The following NLRP13 variants were observed in gnomAD, a reference collection of about 807,000 sequenced individuals.
The protein encoded by NLRP13 is NACHT, LRR and PYD domains-containing protein 13.
In NLRP13, 82 loss-of-function variants were observed where a neutral mutation model predicts 94.4. That is an observed-to-expected ratio of 0.87 (90% CI 0.73 to 1.04). The LOEUF (loss-of-function observed/expected upper bound fraction) is 1.04, where lower values mean the gene tolerates loss of function less well. Among genes scored for constraint, NLRP13 ranks in the 50% least tolerant of loss-of-function variants. NLRP13 has a pLI of 0.00. For missense variants in NLRP13, 1,426 were observed against 1,230.8 expected, an observed-to-expected ratio of 1.16 and a Z score of -2.37; for synonymous variants, 553 against 464.7, an observed-to-expected ratio of 1.19 and a Z score of -2.45.
chr19:55,912,138 G>A lies in NLRP13; in HGVS notation c.1679C>T (p.Ser560Phe), dbSNP rs1383034902. 6.2e-7 allele frequency: 1 copy of A among 1,614,188 alleles called. No homozygotes were observed. Reference protein sequence around the residue: ...LEEPREFPPHSTKPQEMKMLL... With the variant: ...LEEPREFPPHFTKPQEMKMLL... ...CATCTTCATCTCTTGTGGCTTTGTGGAATGGGGAGGGAATTCTCTAGGTTC... is the reference window on the plus strand; with the variant it reads ...CATCTTCATCTCTTGTGGCTTTGTGAAATGGGGAGGGAATTCTCTAGGTTC... Residue 560 changes from serine to phenylalanine, a missense_variant, in exon 5 of 11, where the codon TCC becomes TTC. Transcript: ENST00000342929.
At chr19:55,927,384 A>G (rs1340657876) in intron 1 of NLRP13, among the ~76,000 whole-genome samples, 1 of 151,856 alleles carries the variant, frequency 6.6e-6, no homozygotes, top group Non-Finnish European at 1.5e-5. Context: ...AAAAAAAAAA[A>G]AAGAGTGAAA....
chr19:55,897,959 C>T (rs757582582), intron 10 of NLRP13, among the ~76,000 whole-genome samples: 8 of 152,122 alleles, frequency 5.3e-5, no homozygotes, highest in East Asian at 1.9e-4. Context: ...AAAAATCCTA[C>T]GGTTCAGAGC....
rs1944442468 is a variant in NLRP13, at chr19:55,911,839, C to A, written c.1978G>T (p.Glu660Ter). The A allele has an allele frequency of 6.2e-7, 1 of 1,614,194 alleles. No homozygotes were observed. The highest frequency in any genetic ancestry group is 8.5e-7 in the Non-Finnish European group (1 of 1,180,036). ...TCCTCCAAAATATTAAGGTCAACTT[C>A]AAAGATACGACCCAACATCTTCTTT... ...FTKKMLGRIF[E>*]VDLNILEDEE... is the part of the protein sequence containing the mutation. The change falls in exon 5 of 11, where the codon GAA becomes TAA. Residue 660 changes from glutamate (E) to a stop codon, truncating the protein, a stop_gained. Transcript: ENST00000342929. LOFTEE classifies it high-confidence loss of function.
chr19:55,931,929 C>G, intron 1 of NLRP13, 64 bp downstream of exon 1: 2 of 1,471,396 alleles, frequency 1.4e-6, no homozygotes, highest in East Asian at 2.3e-5. Flanking sequence ...AAAAACCCAG[C>G]GGCTACCTCC....
intron 7 of NLRP13, among the ~76,000 whole-genome samples, chr19:55,906,199 A>C (rs936666497): frequency 2.6e-5 from 4 of 151,772 alleles, no homozygotes; most frequent in Non-Finnish European, 5.9e-5. Flanking sequence ...TTAGCTAGGG[A>C]TGGTGGTGTG....
downstream of NLRP13, among the ~76,000 whole-genome samples, chr19:55,895,415 GCTCATGC>G (rs1985980076): frequency 6.6e-6 from 1 of 151,406 alleles, no homozygotes; most frequent in Admixed American, 6.6e-5. Context: ...GGGCATGGTG[GCTCATGC>G]CTGTAATCCC....
At chr19:55,918,057 A>G (rs981310420) in intron 4 of NLRP13, among the ~76,000 whole-genome samples, 2 of 152,090 alleles carry the variant, frequency 1.3e-5, no homozygotes, top group African/African-American at 4.8e-5. Context: ...AATTATATCA[A>G]GTATTTTTCT....
intron 1 of NLRP13, among the ~76,000 whole-genome samples, chr19:55,930,898 A>ACACACACGTATATATATACATAT: frequency 1.9e-5 from 2 of 104,890 alleles, no homozygotes; most frequent in African/African-American, 7.7e-5. Context: ...ATATATATAT[A>ACACACACGTATATATATACATAT]AAATTTTAAC....
chr19:55,904,605 C>T (rs1986283658), intron 8 of NLRP13, among the ~76,000 whole-genome samples: 1 of 152,078 alleles, frequency 6.6e-6, no homozygotes. Context: ...AAAACTATAC[C>T]TTCCACATGG....
In NLRP13 at chr19:55,932,054, G is replaced by C. The variant is rs189185400; in HGVS notation, c.258C>G (p.Leu86=). 43 of 1,614,040 alleles carry C rather than the reference G, an allele frequency of 2.7e-5. No homozygotes were observed. The highest frequency in any genetic ancestry group is 3.3e-5 in the Non-Finnish European group (39 of 1,180,018). ...TCAGATTCATTGTCTGGAAGATGCC[G>C]AGGACCACTTTCCATGCCTGACCTT... The part of the protein sequence containing the change: ...FPKGQAWKVV[L]GIFQTMNLTS... The change falls in exon 1 of 11, where the codon CTC becomes CTG. Residue 86 remains leucine (L), a synonymous_variant. Coordinates refer to ENST00000342929, the MANE Select transcript of NLRP13 (RefSeq NM_176810.2).
chr19:55,895,891 A>T (rs1208216732), downstream of NLRP13: 3 of 1,562,150 alleles, frequency 1.9e-6, no homozygotes, highest in East Asian at 2.2e-5. Flanking sequence ...CTAGAAGCCT[A>T]GTCAATCTAG....
At chr19:55,900,206 C>A (rs993902091) in intron 9 of NLRP13, among the ~76,000 whole-genome samples, 3 of 151,278 alleles carry the variant, frequency 2.0e-5, no homozygotes, top group African/African-American at 4.9e-5. Context: ...GAAAGAATTC[C>A]CTACAAGTGA....
chr19:55,920,893 T>C (rs949362775), intron 4 of NLRP13, among the ~76,000 whole-genome samples: 1 of 152,070 alleles, frequency 6.6e-6, no homozygotes, highest in Non-Finnish European at 1.5e-5. Flanking sequence ...ATGTGGTGTA[T>C]GTATGTATGT....
rs762522841 is a variant in NLRP13, at chr19:55,913,177, C to T, written c.640G>A (p.Glu214Lys). 1.2e-6 allele frequency: 2 copies of T among 1,614,124 alleles called. No individual in the cohort carries two copies. The highest frequency in any genetic ancestry group is 4.5e-5 in the East Asian group (2 of 44,872). ...IRNTSKDEHE[E>K]LQRLLDPNRT... ...TTAGGATCCAGTAGGCGCTGCAGTT[C>T]CTCATGTTCGTCCTTTGATGTATTA... is the stretch of plus-strand genomic sequence containing the variant. Residue 214 changes from glutamate to lysine, a missense_variant, in exon 5 of 11, where the codon GAA becomes AAA. By Grantham distance (56) the Glu-to-Lys change is moderately conservative. Transcript: ENST00000342929.
At position 55,912,593 on chromosome 19, in the gene NLRP13, G is replaced by T. The variant is rs771377218; in HGVS notation, c.1224C>A (p.Ile408=). 6.2e-7 allele frequency: 1 copy of T among 1,614,194 alleles called. No homozygotes were observed. Among genetic ancestry groups the T allele is most frequent in the East Asian group, 2.2e-5 (1 of 44,870 alleles). Residue 408 remains isoleucine (I), a synonymous_variant, in exon 5 of 11, where the codon ATC becomes ATA. Coordinates refer to ENST00000342929, the MANE Select transcript of NLRP13 (RefSeq NM_176810.2). ...HFDDSSEVEK[I]LQQLRKNETL... ...TTTCGTTTTTTCTTAGCTGCTGCAG[G>T]ATTTTCTCAACTTCACTTGAGTCAT...
chr19:55,898,382 G>T (rs11881528), intron 10 of NLRP13, among the ~76,000 whole-genome samples: 1 of 151,958 alleles, frequency 6.6e-6, no homozygotes, highest in Non-Finnish European at 1.5e-5. Flanking sequence ...GCTAATTTTC[G>T]TATTTTTAGT....
chr19:55,908,445 C>T (rs1246427302), intron 6 of NLRP13, among the ~76,000 whole-genome samples: 3 of 152,156 alleles, frequency 2.0e-5, no homozygotes, highest in Non-Finnish European at 2.9e-5. Flanking sequence ...GAACGTAAAT[C>T]GTTCTATTAT....
chr19:55,905,208 T>A, intron 7 of NLRP13, 96 bp from the exon 8 acceptor site: 1 of 1,263,878 alleles, frequency 7.9e-7, no homozygotes, highest in Non-Finnish European at 1.1e-6. Context: ...ACCCAAACAT[T>A]ATGGGAAGAT....
intron 1 of NLRP13, among the ~76,000 whole-genome samples, chr19:55,926,677 G>T (rs959432851): frequency 2.6e-5 from 4 of 152,166 alleles, no homozygotes. Context: ...TGTGGTCCCT[G>T]TTCCCATTGC....
Sources: allele counts gnomAD v4.1 joint callset (sites outside exome capture counted in the v4.1 genomes callset), GRCh38; gene constraint gnomAD v4.1.1; transcripts MANE v1.5; gene names NCBI Gene and HGNC (gene_info 2026-07-23, HGNC 2026-07-21).